The following PTPN3 variants were observed in gnomAD, a reference collection of about 807,000 sequenced individuals.
PTPN3 encodes the protein tyrosine-protein phosphatase non-receptor type 3.
A neutral mutation model predicts 132.7 loss-of-function variants in PTPN3; 96 were observed. The ratio of observed to expected loss-of-function variants is 0.72; its 90% CI spans 0.61 to 0.86. The LOEUF (loss-of-function observed/expected upper bound fraction) is 0.86, where lower values mean the gene tolerates loss of function less well. PTPN3 is among the 40% of genes least tolerant of loss of function. The pLI is 0.00. For missense variants in PTPN3, 1,125 were observed against 1,159.6 expected (o/e 0.97, Z 0.43); for synonymous variants, 398 against 429.0 (o/e 0.93, Z 0.89).
chr9:109,466,283 C>T (rs1846096800), intron 1 of PTPN3, among the ~76,000 whole-genome samples: 1 of 152,072 alleles, frequency 6.6e-6, no homozygotes. Flanking sequence ...TGCAGTACAA[C>T]AATACCGTAT....
chr9:109,529,482 A>G, the PTPN3 span, among the ~76,000 whole-genome samples: 1 of 152,182 alleles, frequency 6.6e-6, no homozygotes, highest in African/African-American at 2.4e-5. Context: ...CCTTTTTCAC[A>G]GCAGGAATTC....
At chr9:109,537,279 T>TG in the PTPN3 span, among the ~76,000 whole-genome samples, 1 of 152,236 alleles carries the variant, frequency 6.6e-6, no homozygotes, top group African/African-American at 2.4e-5. Flanking sequence ...TAGTGACTAG[T>TG]ACCCTTGGCT....
At chr9:109,466,055 C>T (rs1343258718) in intron 1 of PTPN3, among the ~76,000 whole-genome samples, 1 of 152,144 alleles carries the variant, frequency 6.6e-6, no homozygotes, top group Non-Finnish European at 1.5e-5. Flanking sequence ...CTCACTAGTG[C>T]TTACCCTCAT....
intron 1 of PTPN3, among the ~76,000 whole-genome samples, chr9:109,494,214 A>G (rs979537244): frequency 1.3e-5 from 2 of 152,188 alleles, no homozygotes; most frequent in African/African-American, 4.8e-5. Flanking sequence ...GCTCACGCCT[A>G]TATCTCCACA....
chr9:109,423,068 TC>T (rs1333393197), intron 12 of PTPN3, among the ~76,000 whole-genome samples: 3 of 152,194 alleles, frequency 2.0e-5, no homozygotes, highest in African/African-American at 7.2e-5. Flanking sequence ...TCCTTTCTTG[TC>T]CTCACTACTC....
intron 1 of PTPN3, among the ~76,000 whole-genome samples, chr9:109,492,495 G>C (rs1847507992): frequency 6.6e-6 from 1 of 152,146 alleles, no homozygotes; most frequent in South Asian, 2.1e-4. Flanking sequence ...GGAGGGTCAG[G>C]GGTCTGACCA....
chr9:109,391,025 T>C lies in PTPN3; in HGVS notation c.2106+113A>G, dbSNP rs1840033317. On this transcript the variant is annotated intron_variant, in intron 21 of 25. Transcript: ENST00000374541. ...TCCCATGGCTGTTGTGGTGCTGAAA[T>C]GCGGTGGTGAACGGGAAAGCACTGT... The C allele has an allele frequency of 3.3e-6, 3 of 913,496 alleles. No homozygotes were observed. The Admixed American group carries it at 7.5e-5, about 23-fold the overall frequency. 56.6% of individuals were successfully genotyped at this position (913,496 alleles called of 1,614,324 possible).
At chr9:109,382,923 C>T (rs1263006562) in intron 23 of PTPN3, among the ~76,000 whole-genome samples, 1 of 152,100 alleles carries the variant, frequency 6.6e-6, no homozygotes, top group Non-Finnish European at 1.5e-5. Context: ...AACCCTGCAC[C>T]CATTATGCCA....
rs1471879299 is a variant in PTPN3, at chr9:109,450,806, T to G, written c.369-1951A>C. 5.1e-6 allele frequency: 5 copies of G among 985,352 alleles called. No individual in the cohort carries two copies. The East Asian group carries it at 4.5e-4, about 89-fold the overall frequency. 61.0% of individuals were successfully genotyped at this position (985,352 alleles called of 1,614,324 possible). On this transcript the variant is annotated intron_variant, in intron 5 of 25. Coordinates refer to ENST00000374541, the MANE Select transcript of PTPN3 (RefSeq NM_002829.4). ...TTCAGAAATGTAATGACCTCTCTTGTGGGTACCCCACCTGTGACCTCAACT... is the reference window on the plus strand; with the variant it reads ...TTCAGAAATGTAATGACCTCTCTTGGGGGTACCCCACCTGTGACCTCAACT...
chr9:109,389,668 T>G (rs1839900809), intron 21 of PTPN3, among the ~76,000 whole-genome samples: 1 of 152,274 alleles, frequency 6.6e-6, no homozygotes. Context: ...TTCATTGCTC[T>G]ATCCTAAATA....
chr9:109,511,267 A>G, the PTPN3 span, among the ~76,000 whole-genome samples: 12 of 152,224 alleles, frequency 7.9e-5, no homozygotes, highest in East Asian at 1.2e-3. Flanking sequence ...AGCAAGACCA[A>G]TTGGATTCCT....
the PTPN3 span, among the ~76,000 whole-genome samples, chr9:109,504,879 G>T: frequency 6.6e-6 from 1 of 152,190 alleles, no homozygotes; most frequent in Non-Finnish European, 1.5e-5. Flanking sequence ...CGAAACAATC[G>T]CCTTCCCTGA....
At chr9:109,432,981 AAAT>A (rs1843769056) in intron 10 of PTPN3, 89 bp downstream of exon 10, 1 of 1,522,774 alleles carries the variant, frequency 6.6e-7, no homozygotes. Flanking sequence ...TTTTCTTTAG[AAAT>A]AAACATTTAG....
intron 1 of PTPN3, among the ~76,000 whole-genome samples, chr9:109,491,519 A>C (rs1345407320): frequency 6.6e-6 from 1 of 152,072 alleles, no homozygotes; most frequent in African/African-American, 2.4e-5. Flanking sequence ...CATTAAAAGA[A>C]AAAAAAATAA....
chr9:109,469,880 G>A (rs191840977), intron 1 of PTPN3, among the ~76,000 whole-genome samples: 103 of 152,224 alleles, frequency 6.8e-4, no homozygotes, highest in African/African-American at 2.1e-3. Flanking sequence ...TCCTACGCTG[G>A]CATTCAAGGG....
At chr9:109,534,216 G>A in the PTPN3 span, 3 of 1,337,740 alleles carry the variant, frequency 2.2e-6, no homozygotes, top group Non-Finnish European at 3.2e-6. Context: ...AGCCTCCCGG[G>A]CCACCGTTTC....
At position 109,376,064 on chromosome 9, in the gene PTPN3, A is replaced by G. The variant is rs1838531962; in HGVS notation, c.*3492T>C. On this transcript the variant is annotated 3_prime_UTR_variant, in exon 26 of 26. Transcript: ENST00000374541. Reference sequence around the variant, plus strand: ...TCTGAGGGACAAACTCTTGGTGACAAGTCTCAGAAATGTGACATGTCTCTG... The same window carrying G: ...TCTGAGGGACAAACTCTTGGTGACAGGTCTCAGAAATGTGACATGTCTCTG... 6.6e-6 allele frequency: 1 copy of G among 152,242 alleles called. No homozygotes were observed. The highest frequency in any genetic ancestry group is 1.5e-5 in the Non-Finnish European group (1 of 68,040). 9.4% of individuals were successfully genotyped at this position (152,242 alleles called of 1,614,324 possible).
intron 2 of PTPN3, among the ~76,000 whole-genome samples, chr9:109,460,743 C>T (rs146029937): frequency 6.6e-6 from 1 of 152,294 alleles, no homozygotes; most frequent in Non-Finnish European, 1.5e-5. Flanking sequence ...CTCCCTCTTG[C>T]TCTACTTTAT....
upstream of PTPN3, chr9:109,498,402 C>A (rs1174193542): frequency 1.3e-5 from 2 of 148,716 alleles, no homozygotes; most frequent in Non-Finnish European, 3.0e-5. This position sits in a 1 kb window ranked among gnomAD's most constrained non-coding sequence, Gnocchi z 4.2. Flanking sequence ...CCGGGCTGGC[C>A]TGCGGTGTTC....
Sources: allele counts gnomAD v4.1 joint callset (sites outside exome capture counted in the v4.1 genomes callset), GRCh38; gene constraint gnomAD v4.1.1; non-coding constraint Gnocchi (gnomAD v3.1); transcripts MANE v1.5; gene names NCBI Gene and HGNC (gene_info 2026-07-23, HGNC 2026-07-21).